DOCK4: variants seen among roughly 807,000 people sequenced by gnomAD.
DOCK4 encodes dedicator of cytokinesis protein 4.
In DOCK4, 97 loss-of-function variants were observed where a neutral mutation model predicts 268.1. The observed-to-expected ratio is 0.36, with a 90% CI of 0.31 to 0.43. The LOEUF (loss-of-function observed/expected upper bound fraction) is 0.43, where lower values mean the gene tolerates loss of function less well. Among genes scored for constraint, DOCK4 ranks in the 20% least tolerant of loss-of-function variants. DOCK4 has a pLI of 1.00. For missense variants in DOCK4, 2,145 were observed against 2,455.7 expected (o/e 0.87, Z 2.67); for synonymous variants, 954 against 887.2 (o/e 1.08, Z -1.34).
chr7:111,983,949 AACACCCATTAGTT>A (rs1241272326), intron 7 of DOCK4, among the ~76,000 whole-genome samples: 4 of 152,108 alleles, frequency 2.6e-5, no homozygotes, highest in South Asian at 4.1e-4. Context: ...GCCAAGACGA[AACACCCATTAGTT>A]ACAGCATGGT....
chr7:111,737,179 GAAAGA>G, intron 49 of DOCK4, among the ~76,000 whole-genome samples, 190 bp from the exon 50 acceptor site: 1 of 152,252 alleles, frequency 6.6e-6, no homozygotes, highest in African/African-American at 2.4e-5. Flanking sequence ...TAGGTTTTGA[GAAAGA>G]AAAGAGTGTT....
intron 10 of DOCK4, among the ~76,000 whole-genome samples, chr7:111,943,578 C>T (rs1795370066): frequency 6.6e-6 from 1 of 152,250 alleles, no homozygotes; most frequent in Admixed American, 6.5e-5. Context: ...CAAACTACCT[C>T]TGCCATCCTG....
intron 1 of DOCK4, among the ~76,000 whole-genome samples, chr7:112,163,660 ATTAAT>A (rs1292684105): frequency 1.3e-5 from 2 of 152,238 alleles, no homozygotes; most frequent in Admixed American, 6.5e-5. Flanking sequence ...ACAAATATTG[ATTAAT>A]TTAATAGTCA....
In DOCK4 at chr7:111,871,434, C is replaced by G. The variant is rs1242412783; in HGVS notation, c.2027+556G>C. Among the ~76,000 whole-genome samples, 5 of 152,298 alleles carry G rather than the reference C, an allele frequency of 3.3e-5. 1 individual carries two copies. Among genetic ancestry groups the G allele is most frequent in the African/African-American group, 1.2e-4 (5 of 41,556 alleles). On this transcript the variant is annotated intron_variant, in intron 20 of 52. Transcript: ENST00000428084. ...ACCTGAGCCAGTAGAAAAGGAGGAG[C>G]AGTTAAAATAGCAGCTCCTATCAAA...
chr7:111,978,164 T>C (rs890633820), intron 7 of DOCK4, among the ~76,000 whole-genome samples: 16 of 152,172 alleles, frequency 1.1e-4, no homozygotes, highest in Non-Finnish European at 2.4e-4. Context: ...GAAGCAGACA[T>C]GAACAAAATT....
chr7:111,955,299 G>A (rs1796372326), intron 8 of DOCK4, among the ~76,000 whole-genome samples: 1 of 152,228 alleles, frequency 6.6e-6, no homozygotes, highest in South Asian at 2.1e-4. Flanking sequence ...GAAAGAGGAA[G>A]ATCTCTGATA....
intron 1 of DOCK4, among the ~76,000 whole-genome samples, chr7:112,024,135 T>C (rs544150797): frequency 6.6e-6 from 1 of 152,316 alleles, no homozygotes; most frequent in South Asian, 2.1e-4. Flanking sequence ...AAGGATGCAA[T>C]GCTTTCAATT....
At chr7:111,805,779 T>C (rs147846238) in intron 30 of DOCK4, among the ~76,000 whole-genome samples, 188 of 152,288 alleles carry the variant, frequency 1.2e-3, no homozygotes, top group Admixed American at 3.6e-3. Flanking sequence ...TCCAGCAAAA[T>C]GTGTATTTCT....
At chr7:112,163,918 T>C (rs1422056558) in intron 1 of DOCK4, among the ~76,000 whole-genome samples, 2 of 152,188 alleles carry the variant, frequency 1.3e-5, no homozygotes, top group African/African-American at 4.8e-5. Context: ...TTCATCCAAG[T>C]GTTTTGAGCA....
chr7:112,025,512 G>C (rs1802707492), intron 1 of DOCK4, among the ~76,000 whole-genome samples: 1 of 151,380 alleles, frequency 6.6e-6, no homozygotes, highest in African/African-American at 2.5e-5. Context: ...AGTGTGATAA[G>C]TTCCTTTTTC....
At chr7:112,190,000 A>G (rs1020908169) in intron 1 of DOCK4, among the ~76,000 whole-genome samples, 2 of 152,014 alleles carry the variant, frequency 1.3e-5, no homozygotes, top group African/African-American at 2.4e-5. Flanking sequence ...CACTTCTCTC[A>G]CAAACACTTG....
chr7:112,037,528 C>T (rs1364572927), intron 1 of DOCK4, among the ~76,000 whole-genome samples: 1 of 152,152 alleles, frequency 6.6e-6, no homozygotes, highest in East Asian at 1.9e-4. Context: ...TGTTCTTGAT[C>T]ATTATATAAA....
chr7:111,757,398 C>T (rs1296148868), intron 41 of DOCK4, among the ~76,000 whole-genome samples: 2 of 152,006 alleles, frequency 1.3e-5, no homozygotes, highest in Non-Finnish European at 2.9e-5. Context: ...AAGTCAATTG[C>T]CTGATTTCAG....
chr7:112,107,669 A>T (rs1811254704), intron 1 of DOCK4, among the ~76,000 whole-genome samples: 1 of 152,216 alleles, frequency 6.6e-6, no homozygotes, highest in Admixed American at 6.5e-5. Flanking sequence ...CAATTGAAGG[A>T]AATAGGAGAG....
At chr7:111,788,590 G>T in intron 32 of DOCK4, 72 bp downstream of exon 32, 2 of 1,246,646 alleles carry the variant, frequency 1.6e-6, no homozygotes, top group Non-Finnish European at 2.3e-6. Flanking sequence ...CAGCTACCGT[G>T]GTGCAGAGAG....
chr7:111,796,022 C>T (rs1346384599), intron 30 of DOCK4, among the ~76,000 whole-genome samples: 1 of 152,134 alleles, frequency 6.6e-6, no homozygotes, highest in Non-Finnish European at 1.5e-5. Flanking sequence ...TCTTGAGTGC[C>T]CTAGAGGACC....
intron 1 of DOCK4, among the ~76,000 whole-genome samples, chr7:112,089,051 T>C (rs911174780): frequency 6.6e-6 from 1 of 152,196 alleles, no homozygotes; most frequent in Non-Finnish European, 1.5e-5. Flanking sequence ...TAATAATTGT[T>C]ATGAAATGAC....
chr7:111,809,492 G>T, intron 28 of DOCK4, 91 bp from the exon 29 acceptor site: 1 of 1,102,882 alleles, frequency 9.1e-7, no homozygotes, highest in Non-Finnish European at 1.3e-6. Context: ...CTTCAAAAGT[G>T]GTTGAGGGTA....
chr7:111,746,481 T>C (rs2133475255), intron 43 of DOCK4, 64 bp from the exon 44 acceptor site: 1 of 1,331,736 alleles, frequency 7.5e-7, no homozygotes, highest in Non-Finnish European at 1.1e-6. Flanking sequence ...AGACAAGTTG[T>C]TTTTAAAGAC....
Sources: gnomAD v4.1 joint callset for allele counts (sites outside exome capture counted in the v4.1 genomes callset) on GRCh38, gnomAD v4.1.1 for gene constraint, MANE v1.5 for transcripts, NCBI Gene and HGNC (gene_info 2026-07-23, HGNC 2026-07-21) for gene names.